Variants in ALOX15B observed in about 807,000 individuals in gnomAD.
ALOX15B encodes arachidonate 15-lipoxygenase type B.
Under a neutral mutation model 73.8 loss-of-function variants are expected in ALOX15B, and 74 were observed. That is an observed-to-expected ratio of 1.00 (90% CI 0.83 to 1.22). The LOEUF (loss-of-function observed/expected upper bound fraction) is 1.22. Among genes scored for constraint, ALOX15B ranks in the 50% most tolerant of loss-of-function variants. The pLI, the probability that ALOX15B is intolerant of heterozygous loss-of-function variation, is 0.00. For missense variants in ALOX15B, 896 were observed against 859.9 expected, an observed-to-expected ratio of 1.04 and a Z score of -0.52; for synonymous variants, 353 against 357.2, an observed-to-expected ratio of 0.99 and a Z score of 0.13.
intron 8 of ALOX15B, among the ~76,000 whole-genome samples, 198 bp from the exon 9 acceptor site, chr17:8,046,470 G>A (rs2235098): frequency 0.09 from 13,628 of 152,200 alleles, 1,496 homozygotes; most frequent in African/African-American, 0.25. Flanking sequence ...AGAGGAAGGA[G>A]CACGCCTGAG....
intron 2 of ALOX15B, 79 bp downstream of exon 2, chr17:8,039,684 T>C: frequency 1.2e-5 from 16 of 1,360,652 alleles, no homozygotes; most frequent in Non-Finnish European, 1.6e-5. Context: ...GAAGGGCAGG[T>C]GAAATGGAGA....
Position 8,045,704 on chromosome 17 carries a change from G to A in ALOX15B, c.1200+18G>A, listed in dbSNP as rs1366515930. The A allele has an allele frequency of 6.2e-7, 1 of 1,611,256 alleles. No individual in the cohort carries two copies. The highest frequency in any genetic ancestry group is 1.3e-5 in the African/African-American group (1 of 74,846). On this transcript the variant is annotated intron_variant, in intron 8 of 13. Coordinates refer to ENST00000380183, the MANE Select transcript of ALOX15B (RefSeq NM_001141.3). ...TCTTCAAGGTCAGTGGCTTGACAAG[G>A]TGGCCCAGCCTGTGCCCATGCCTCT...
chr17:8,045,683 C>T lies in ALOX15B; in HGVS notation c.1197C>T (p.Phe399=), dbSNP rs939015540. Residue 399 remains phenylalanine (F), a synonymous_variant, in exon 8 of 14, where the codon TTC becomes TTT. Transcript: ENST00000380183. The part of the protein sequence containing the change: ...LRQLPHCHPL[F]KLLIPHTRYT... ...AGCTGCCCCACTGCCACCCTCTCTTCAAGGTCAGTGGCTTGACAAGGTGGC... is the reference window on the plus strand; with the variant it reads ...AGCTGCCCCACTGCCACCCTCTCTTTAAGGTCAGTGGCTTGACAAGGTGGC... 4 of 1,613,514 alleles carry T rather than the reference C, an allele frequency of 2.5e-6. No homozygotes were observed. The African/African-American group carries it at 5.3e-5, about 22-fold the overall frequency.
intron 10 of ALOX15B, 51 bp downstream of exon 10, chr17:8,047,127 C>T: frequency 1.2e-6 from 2 of 1,610,730 alleles, no homozygotes; most frequent in South Asian, 1.1e-5. Context: ...CGTGGGAAGA[C>T]AGGAAAGGAG....
intron 5 of ALOX15B, among the ~76,000 whole-genome samples, chr17:8,044,370 C>T (rs1598164113): frequency 6.8e-6 from 1 of 148,028 alleles, no homozygotes; most frequent in East Asian, 2.0e-4. Flanking sequence ...TGCAGTGAGC[C>T]GAGGTCACGC....
At position 8,039,505 on chromosome 17, in the gene ALOX15B, C is replaced by T; in HGVS notation, c.267C>T (p.Cys89=). Residue 89 remains cysteine (C), a synonymous_variant, in exon 2 of 14, where the codon TGC becomes TGT. Transcript: ENST00000380183. ...CCCTGGCCCCGGATGCCTGGTTCTGCCGCTGGTTCCAGCTGACACCGCCGC... is the reference window on the plus strand; with the variant it reads ...CCCTGGCCCCGGATGCCTGGTTCTGTCGCTGGTTCCAGCTGACACCGCCGC... ...LGPLAPDAWF[C]RWFQLTPPRG... 3 of 1,570,120 alleles carry T rather than the reference C, an allele frequency of 1.9e-6. No homozygotes were observed. The highest frequency in any genetic ancestry group is 2.6e-6 in the Non-Finnish European group (3 of 1,160,550).
chr17:8,041,437 G>A (rs1005344409), intron 3 of ALOX15B, among the ~76,000 whole-genome samples: 1 of 152,190 alleles, frequency 6.6e-6, no homozygotes, highest in Non-Finnish European at 1.5e-5. Context: ...AACGTACAGT[G>A]AGGTCTCAGA....
At chr17:8,047,462 G>A in intron 11 of ALOX15B, 83 bp downstream of exon 11, 2 of 1,593,514 alleles carry the variant, frequency 1.3e-6, no homozygotes, top group Non-Finnish European at 1.7e-6. Flanking sequence ...CATTTGAGTG[G>A]CCCCGTCCCC....
rs975038804 is a variant in ALOX15B, at chr17:8,039,096, A to G, written c.-60A>G. 3 of 1,565,908 alleles carry G rather than the reference A, an allele frequency of 1.9e-6. No homozygotes were observed. The highest frequency in any genetic ancestry group is 2.4e-5 in the South Asian group (2 of 84,350). ...CAGGGGCAATAACCAGGCGTGTCCCAGGGGGGAGCCCCGCTCTGCAGCCCT... is the reference window on the plus strand; with the variant it reads ...CAGGGGCAATAACCAGGCGTGTCCCGGGGGGGAGCCCCGCTCTGCAGCCCT... On this transcript the variant is annotated 5_prime_UTR_variant, in exon 1 of 14. Transcript: ENST00000380183.
At chr17:8,044,505 A>G (rs1171345960) in intron 5 of ALOX15B, among the ~76,000 whole-genome samples, 2 of 151,902 alleles carry the variant, frequency 1.3e-5, no homozygotes, top group Admixed American at 1.3e-4. Context: ...TGGAGCTGCC[A>G]CTTCCCAAAT....
chr17:8,039,698 G>A, intron 2 of ALOX15B, 93 bp downstream of exon 2: 2 of 1,320,986 alleles, frequency 1.5e-6, no homozygotes, highest in African/African-American at 2.9e-5. Context: ...ATGGAGAGGT[G>A]AGCTGGTGTG....
intron 5 of ALOX15B, among the ~76,000 whole-genome samples, 180 bp downstream of exon 5, chr17:8,043,064 T>C (rs750045723): frequency 2.0e-5 from 3 of 152,162 alleles, no homozygotes; most frequent in Non-Finnish European, 4.4e-5. Context: ...CCTGACCTTC[T>C]AACGCCTTCT....
rs1195061900 is a variant in ALOX15B, at chr17:8,047,628, C to G, written c.1644C>G (p.Thr548=). 2 of 1,611,670 alleles carry G rather than the reference C, an allele frequency of 1.2e-6. No homozygotes were observed. Among genetic ancestry groups the G allele is most frequent in the Non-Finnish European group, 1.7e-6 (2 of 1,178,956 alleles). ...AGTATGTCACCATGGTGATATTCAC[C>G]TGCTCCGCCAAGCATGCGGCTGTCA... is the stretch of plus-strand genomic sequence containing the variant. ...LVQYVTMVIF[T]CSAKHAAVSA... Residue 548 remains threonine, a synonymous_variant, in exon 12 of 14, where the codon ACC becomes ACG. Coordinates refer to ENST00000380183, the MANE Select transcript of ALOX15B (RefSeq NM_001141.3).
Position 8,039,536 on chromosome 17 carries a change from G to T in ALOX15B, c.298G>T (p.Gly100Cys). 6.5e-7 allele frequency: 1 copy of T among 1,547,348 alleles called. No homozygotes were observed. The highest frequency in any genetic ancestry group is 8.7e-7 in the Non-Finnish European group (1 of 1,150,482). ...RWFQLTPPRGGHLLFPCYQWL... is the reference protein window; with the variant it reads ...RWFQLTPPRGCHLLFPCYQWL... The stretch of plus-strand genomic sequence containing the variant: ...GTTCCAGCTGACACCGCCGCGGGGC[G>T]GCCACCTCCTCTTCCCCTGCTACCA... Residue 100 changes from glycine to cysteine, a missense_variant, in exon 2 of 14, where the codon GGC becomes TGC. Transcript: ENST00000380183.
chr17:8,047,335 T>C lies in ALOX15B; in HGVS notation c.1535T>C (p.Val512Ala), dbSNP rs918827216. Reference sequence around the variant, plus strand: ...GATGACAGAGAGCTCCAGGCCTGGGTCAGAGAGATCTTCTCCAAGGGCTTC... The same window carrying C: ...GATGACAGAGAGCTCCAGGCCTGGGCCAGAGAGATCTTCTCCAAGGGCTTC... ...VQDDRELQAW[V>A]REIFSKGFLN... The change falls in exon 11 of 14, where the codon GTC (valine) becomes GCC (alanine). Residue 512 changes from valine to alanine, a missense_variant. By Grantham distance (64) the Val-to-Ala change is moderately conservative. Coordinates refer to ENST00000380183, the MANE Select transcript of ALOX15B (RefSeq NM_001141.3). The C allele has an allele frequency of 2.5e-6, 4 of 1,613,876 alleles. No homozygotes were observed. Among genetic ancestry groups the C allele is most frequent in the African/African-American group, 1.3e-5 (1 of 74,860 alleles).
chr17:8,040,601 G>GTGAAAGAAAGAAAGAA (rs1976418469), intron 3 of ALOX15B, among the ~76,000 whole-genome samples: 1 of 109,462 alleles, frequency 9.1e-6, no homozygotes, highest in Non-Finnish European at 1.8e-5. Context: ...AAGAAAGAGA[G>GTGAAAGAAAGAAAGAA]AGAAAGAAAG....
At chr17:8,044,357 G>C (rs1976545777) in intron 5 of ALOX15B, among the ~76,000 whole-genome samples, 2 of 151,020 alleles carry the variant, frequency 1.3e-5, no homozygotes, top group Admixed American at 1.3e-4. Flanking sequence ...AGGAGGCAGA[G>C]GTTGCAGTGA....
intron 3 of ALOX15B, among the ~76,000 whole-genome samples, chr17:8,040,601 G>GAGAGAGAGAAAGAAAGAAAGAA (rs1555638441): frequency 1.6e-4 from 18 of 109,528 alleles, no homozygotes; most frequent in Admixed American, 8.7e-4. Flanking sequence ...AAGAAAGAGA[G>GAGAGAGAGAAAGAAAGAAAGAA]AGAAAGAAAG....
chr17:8,042,968 C>T (rs914775672), intron 5 of ALOX15B, 84 bp downstream of exon 5: 17 of 1,154,480 alleles, frequency 1.5e-5, no homozygotes, highest in Middle Eastern at 2.0e-4. Context: ...AAACCAAGCA[C>T]CAATTTGCTA....
Sources: allele counts gnomAD v4.1 joint callset (sites outside exome capture counted in the v4.1 genomes callset), GRCh38; gene constraint gnomAD v4.1.1; transcripts MANE v1.5; gene names NCBI Gene and HGNC (gene_info 2026-07-23, HGNC 2026-07-21).